Variants in SYT16 observed in about 807,000 individuals in gnomAD.
SYT16 encodes the protein synaptotagmin 16, also known as synaptotagmin-16.
A neutral mutation model predicts 61.4 loss-of-function variants in SYT16; 42 were observed. That is an observed-to-expected ratio of 0.68 (90% confidence interval 0.53 to 0.89). The LOEUF is 0.89. SYT16 is among the 40% of genes least tolerant of loss of function. The probability of loss-of-function intolerance (pLI) is 0.00; values close to 1 mark genes in which losing one functional copy is unlikely to be tolerated. For synonymous variants in SYT16, 314 were observed against 302.3 expected, an observed-to-expected ratio of 1.04 and a Z score of -0.40; for missense variants, 804 against 807.3, an observed-to-expected ratio of 1.00 and a Z score of 0.05.
chr14:62,050,996 A>G (rs1428520587), intron 3 of SYT16, among the ~76,000 whole-genome samples: 3 of 152,058 alleles, frequency 2.0e-5, no homozygotes, highest in East Asian at 1.9e-4. Flanking sequence ...TCTCTTCAAA[A>G]CTGTCAGACA....
At chr14:61,872,696 G>C (rs530413416) in intron 1 of SYT16, among the ~76,000 whole-genome samples, 1 of 152,218 alleles carries the variant, frequency 6.6e-6, no homozygotes, top group South Asian at 2.1e-4. Context: ...TAAGACCCAG[G>C]GCACATCCCA....
chr14:61,918,719 A>C (rs1352158247), intron 1 of SYT16, among the ~76,000 whole-genome samples: 2 of 151,932 alleles, frequency 1.3e-5, no homozygotes, highest in Non-Finnish European at 2.9e-5. Context: ...AAAAAAAGTT[A>C]TCTCTGGGGG....
At chr14:61,861,875 G>A (rs1048528355) in intron 1 of SYT16, among the ~76,000 whole-genome samples, 1 of 152,084 alleles carries the variant, frequency 6.6e-6, no homozygotes, top group African/African-American at 2.4e-5. Context: ...GTATACAATA[G>A]CATCATATCC....
intron 3 of SYT16, among the ~76,000 whole-genome samples, chr14:62,005,140 G>A (rs776424819): frequency 3.3e-5 from 5 of 152,166 alleles, no homozygotes; most frequent in Non-Finnish European, 7.3e-5. Flanking sequence ...TGGAAGTCTA[G>A]GTTCCCTATG....
At chr14:61,926,890 TGA>T (rs1342612286) in intron 1 of SYT16, among the ~76,000 whole-genome samples, 1 of 152,234 alleles carries the variant, frequency 6.6e-6, no homozygotes, top group East Asian at 1.9e-4. Context: ...TCTGTAACTC[TGA>T]GTTTCTATGC....
intron 3 of SYT16, among the ~76,000 whole-genome samples, chr14:62,032,826 T>G (rs1235808036): frequency 6.6e-6 from 1 of 152,038 alleles, no homozygotes; most frequent in Non-Finnish European, 1.5e-5. Flanking sequence ...CACAATCTTT[T>G]TTTTTGTTAC....
chr14:62,079,298 G>T (rs919965258), intron 5 of SYT16: 1 of 1,064,652 alleles, frequency 9.4e-7, no homozygotes, highest in Non-Finnish European at 1.2e-6. Context: ...AAGGATATAA[G>T]AAGCTTCACT....
rs761007433 is a variant in SYT16, at chr14:62,080,858, G to A, written c.1018G>A (p.Val340Met). 5 of 1,601,152 alleles carry A rather than the reference G, an allele frequency of 3.1e-6. No individual in the cohort carries two copies. In the Admixed American group the frequency reaches 5.2e-5, roughly 17 times the overall value. ...PEEQDRTNLQ[V>M]PSGVSEPISK... ...GGAACAGGACAGGACCAATTTGCAG[G>A]TGCCATCCGGGGTCTCAGAGCCCAT... Residue 340 changes from valine (V) to methionine (M), a missense_variant, in exon 6 of 8, where the codon GTG (valine) becomes ATG (methionine). Physicochemically the swap from Val to Met is conservative, Grantham distance 21. Transcript: ENST00000683842.
intron 3 of SYT16, among the ~76,000 whole-genome samples, chr14:62,007,185 A>C (rs2053259037): frequency 6.6e-6 from 1 of 152,188 alleles, no homozygotes; most frequent in Non-Finnish European, 1.5e-5. Flanking sequence ...CAAATCACAG[A>C]GGCCTTATCT....
chr14:61,845,207 C>T (rs1241611369), intron 1 of SYT16, among the ~76,000 whole-genome samples: 1 of 151,914 alleles, frequency 6.6e-6, no homozygotes, highest in African/African-American at 2.4e-5. Flanking sequence ...GCCACCATGC[C>T]CAGCTAATTT....
intron 1 of SYT16, among the ~76,000 whole-genome samples, chr14:61,876,042 A>T (rs1360602481): frequency 1.3e-5 from 2 of 152,090 alleles, no homozygotes; most frequent in Non-Finnish European, 1.5e-5. Flanking sequence ...TGCTTGATAG[A>T]GTTGCGTGTT....
intron 1 of SYT16, among the ~76,000 whole-genome samples, chr14:61,905,775 T>G (rs754497486): frequency 4.2e-3 from 55 of 13,088 alleles, no homozygotes; most frequent in Non-Finnish European, 4.9e-3. Context: ...TTTTTTTTTT[T>G]GGGGATAAAT....
At chr14:61,978,345 A>G (rs1209314940) in intron 2 of SYT16, among the ~76,000 whole-genome samples, 1 of 152,200 alleles carries the variant, frequency 6.6e-6, no homozygotes, top group East Asian at 1.9e-4. Flanking sequence ...CAGCACTGGT[A>G]TTCCACACTC....
chr14:62,108,419 T>C lies in SYT16; in HGVS notation c.*7712T>C, dbSNP rs2141038640. 1 of 152,296 alleles carries C rather than the reference T, an allele frequency of 6.6e-6. No homozygotes were observed. The highest frequency in any genetic ancestry group is 2.1e-4 in the South Asian group (1 of 4,826). The allele number at this position is 152,296 out of a possible 1,614,324, so 9.4% of individuals were successfully genotyped here. On this transcript the variant is annotated 3_prime_UTR_variant, in exon 8 of 8. Transcript: ENST00000683842. ...ATCGGAAGTCTGCCAGTAAAAACTC[T>C]GATTAAGTGAGGAACATGTACATTA... is the stretch of plus-strand genomic sequence containing the variant.
chr14:62,027,904 G>A (rs1359964126), intron 3 of SYT16, among the ~76,000 whole-genome samples: 1 of 152,164 alleles, frequency 6.6e-6, no homozygotes, highest in Admixed American at 6.5e-5. Flanking sequence ...CTGAAATGTT[G>A]CTCATTTTTA....
At chr14:61,851,980 G>A (rs557404523) in intron 1 of SYT16, among the ~76,000 whole-genome samples, 1 of 152,238 alleles carries the variant, frequency 6.6e-6, no homozygotes, top group East Asian at 1.9e-4. Flanking sequence ...CTTTGCCAAT[G>A]CCTATATCCT....
At chr14:62,028,679 GA>G (rs1207575580) in intron 3 of SYT16, among the ~76,000 whole-genome samples, 1 of 152,116 alleles carries the variant, frequency 6.6e-6, no homozygotes, top group East Asian at 1.9e-4. Flanking sequence ...GACTGAATGG[GA>G]AAAGACATTA....
chr14:62,074,233 T>G (rs920127649), intron 4 of SYT16, among the ~76,000 whole-genome samples: 1 of 151,536 alleles, frequency 6.6e-6, no homozygotes, highest in African/African-American at 2.4e-5. Flanking sequence ...TGAATGGAGG[T>G]GAGGGGTGCT....
chr14:61,890,681 T>TGTATGTTAGTAAATTGC (rs1198965988), intron 1 of SYT16, among the ~76,000 whole-genome samples: 1 of 152,096 alleles, frequency 6.6e-6, no homozygotes, highest in African/African-American at 2.4e-5. Flanking sequence ...ACAGAAATTG[T>TGTATGTTAGTAAATTGC]GTATGTTAGT....
Sources: gnomAD v4.1 joint callset for allele counts (sites outside exome capture counted in the v4.1 genomes callset) on GRCh38, gnomAD v4.1.1 for gene constraint, MANE v1.5 for transcripts, NCBI Gene and HGNC (gene_info 2026-07-23, HGNC 2026-07-21) for gene names.